Variants in GPHN observed in about 807,000 individuals in gnomAD.
GPHN encodes the protein gephyrin.
A neutral mutation model predicts 95.5 loss-of-function variants in GPHN; 17 were observed. The ratio of observed to expected loss-of-function variants is 0.18; its 90% CI spans 0.12 to 0.27. The LOEUF (loss-of-function observed/expected upper bound fraction) is 0.27. Ranked by LOEUF, GPHN falls within the 10% of genes least tolerant of loss-of-function variation. The probability of loss-of-function intolerance (pLI) is 1.00; values close to 1 mark genes in which losing one functional copy is unlikely to be tolerated. For missense variants in GPHN, 660 were observed against 978.1 expected (o/e 0.67, Z 4.34); for synonymous variants, 320 against 322.5 (o/e 0.99, Z 0.08).
At chr14:66,907,915 A>AT (rs1223792189) in intron 5 of GPHN, among the ~76,000 whole-genome samples, 4 of 152,038 alleles carry the variant, frequency 2.6e-5, no homozygotes, top group African/African-American at 4.8e-5. Context: ...AGAGGCTAGA[A>AT]TGATCCATGT....
chr14:67,533,491 C>CGG, the GPHN span: 2 of 152,002 alleles, frequency 1.3e-5, no homozygotes, highest in South Asian at 2.1e-4. Context: ...CCCTCGGGCC[C>CGG]AGAGGACGAT....
intron 10 of GPHN, among the ~76,000 whole-genome samples, chr14:67,035,123 G>A (rs1367113392): frequency 6.6e-6 from 1 of 151,800 alleles, no homozygotes; most frequent in South Asian, 2.1e-4. Context: ...ACACAAATAT[G>A]TGAAAATTAA....
chr14:67,530,006 G>A, the GPHN span, among the ~76,000 whole-genome samples: 34,256 of 152,036 alleles, frequency 0.23, 3,935 homozygotes, highest in African/African-American at 0.25. Context: ...AGAGAAAGCA[G>A]GTAGGGATGG....
chr14:67,577,447 G>A, the GPHN span: 1 of 1,323,978 alleles, frequency 7.6e-7, no homozygotes, highest in Middle Eastern at 1.8e-4. Flanking sequence ...CCCACCGCTG[G>A]GATACTTGCA....
intron 1 of GPHN, among the ~76,000 whole-genome samples, chr14:66,590,319 A>C (rs1017413011): frequency 2.0e-5 from 3 of 151,214 alleles, no homozygotes; most frequent in African/African-American, 7.3e-5. Flanking sequence ...GAAATAACTA[A>C]GATGAGAGCT....
intron 2 of GPHN, among the ~76,000 whole-genome samples, chr14:66,720,622 T>TAAAG (rs1196359238): frequency 1.3e-5 from 2 of 152,208 alleles, no homozygotes; most frequent in African/African-American, 4.8e-5. Flanking sequence ...ATATCTAATT[T>TAAAG]TGCACATCAT....
At chr14:67,726,994 C>T in the GPHN span, 2 of 1,612,732 alleles carry the variant, frequency 1.2e-6, no homozygotes, top group Non-Finnish European at 1.7e-6. Context: ...ACTTCCTCCT[C>T]ACCTACCTGC....
At chr14:67,327,778 T>C in the GPHN span, among the ~76,000 whole-genome samples, 1 of 152,186 alleles carries the variant, frequency 6.6e-6, no homozygotes, top group East Asian at 1.9e-4. Context: ...CTCAGAATGA[T>C]GGTTTCCAGC....
rs574891174 is a variant in GPHN, at chr14:66,980,422, T to G, written c.963+15097T>G. On this transcript the variant is annotated intron_variant, in intron 9 of 22. Coordinates refer to ENST00000478722, the MANE Select transcript of GPHN (RefSeq NM_020806.5). The stretch of plus-strand genomic sequence containing the variant: ...CTCATGTGCAAATAATAAAAAAAAT[T>G]AAGAACATATAATGTGCTGCCTAAA... 4.6e-5 allele frequency among the ~76,000 whole-genome samples: 7 copies of G among 152,204 alleles called. No homozygotes were observed. The South Asian group carries it at 1.2e-3, about 27-fold the overall frequency.
At chr14:67,536,370 C>A in the GPHN span, among the ~76,000 whole-genome samples, 4 of 151,844 alleles carry the variant, frequency 2.6e-5, no homozygotes, top group Non-Finnish European at 1.5e-5. Flanking sequence ...AAGTAGTCAG[C>A]CACGTCTGGC....
chr14:67,001,900 A>C (rs1261907131), intron 9 of GPHN, among the ~76,000 whole-genome samples: 2 of 151,680 alleles, frequency 1.3e-5, no homozygotes, highest in African/African-American at 4.8e-5. Context: ...TTGACCAGCA[A>C]CAAGGCAAAT....
the GPHN span, chr14:67,578,988 A>C: frequency 1.5e-6 from 1 of 645,828 alleles, no homozygotes; most frequent in Non-Finnish European, 2.7e-6. This position sits in a 1 kb window ranked among gnomAD's most constrained non-coding sequence, Gnocchi z 5.0. Flanking sequence ...TGACAAATTA[A>C]TGTCCCAGAC....
chr14:66,861,002 C>G (rs1208342687), intron 4 of GPHN, among the ~76,000 whole-genome samples: 1 of 151,706 alleles, frequency 6.6e-6, no homozygotes, highest in Non-Finnish European at 1.5e-5. Context: ...AACCAGAAAA[C>G]AAGTAACAAA....
chr14:67,324,974 G>A, the GPHN span, among the ~76,000 whole-genome samples: 46 of 136,252 alleles, frequency 3.4e-4, no homozygotes, highest in Non-Finnish European at 5.6e-4. Context: ...GCGCAATCTC[G>A]GCTGACTGCA....
rs79169716 is a variant in GPHN, at chr14:66,625,032, G to C, written c.65-56075G>C. On this transcript the variant is annotated intron_variant, in intron 1 of 22. Transcript: ENST00000478722. ...TAGTCTGAATGGAATCAAGCTGCTGGTCAAGCCTGCACTTGTTAGTGCCTT... is the reference window on the plus strand; with the variant it reads ...TAGTCTGAATGGAATCAAGCTGCTGCTCAAGCCTGCACTTGTTAGTGCCTT... 3.5e-4 allele frequency among the ~76,000 whole-genome samples: 53 copies of C among 152,250 alleles called. No individual in the cohort carries two copies. The East Asian group carries it at 9.3e-3, about 27-fold the overall frequency.
chr14:67,040,817 T>C (rs1365871482), intron 10 of GPHN, among the ~76,000 whole-genome samples: 2 of 152,212 alleles, frequency 1.3e-5, no homozygotes, highest in Non-Finnish European at 2.9e-5. Context: ...GTGCATCTTA[T>C]CAGGGGGCTC....
chr14:66,516,009 AC>A (rs1286568065), intron 1 of GPHN, among the ~76,000 whole-genome samples: 3 of 133,734 alleles, frequency 2.2e-5, no homozygotes, highest in African/African-American at 1.1e-4. Context: ...TTTTTTTGAT[AC>A]ACATTTTTTT....
chr14:67,469,643 G>A, the GPHN span, among the ~76,000 whole-genome samples: 1 of 150,340 alleles, frequency 6.7e-6, no homozygotes, highest in Non-Finnish European at 1.5e-5. Context: ...AGTGGGCAGC[G>A]GCCTGGTGGT....
At chr14:67,377,083 A>T in the GPHN span, among the ~76,000 whole-genome samples, 1 of 152,158 alleles carries the variant, frequency 6.6e-6, no homozygotes, top group Non-Finnish European at 1.5e-5. Context: ...TTAATTCTGT[A>T]TGTTAGGATC....
Sources: gnomAD v4.1 joint callset for allele counts (sites outside exome capture counted in the v4.1 genomes callset) on GRCh38, gnomAD v4.1.1 for gene constraint, Gnocchi (gnomAD v3.1) non-coding constraint, MANE v1.5 for transcripts, NCBI Gene and HGNC (gene_info 2026-07-23, HGNC 2026-07-21) for gene names.